Variants in EBF1 observed in about 807,000 individuals in gnomAD.
EBF1 encodes the protein EBF transcription factor 1.
In EBF1, 10 loss-of-function variants were observed where a neutral mutation model predicts 68.4. That is an observed-to-expected ratio of 0.15 (90% confidence interval 0.09 to 0.25). The LOEUF is 0.25. Ranked by LOEUF, EBF1 falls within the 10% of genes least tolerant of loss-of-function variation. The pLI is 1.00. For missense variants in EBF1, 509 were observed against 794.4 expected (o/e 0.64, Z 4.32); for synonymous variants, 298 against 299.8 (o/e 0.99, Z 0.06).
chr5:159,091,910 C>T (rs963299302), intron 4 of EBF1, among the ~76,000 whole-genome samples: 3 of 152,152 alleles, frequency 2.0e-5, no homozygotes, highest in African/African-American at 4.8e-5. Flanking sequence ...CTCAAGCAGG[C>T]TTTTGTTTAG....
intron 7 of EBF1, among the ~76,000 whole-genome samples, chr5:158,829,921 A>G (rs1000254211): frequency 1.4e-4 from 22 of 152,192 alleles, no homozygotes; most frequent in South Asian, 6.2e-4. Flanking sequence ...CTTGTCTGGG[A>G]CCCTATCAAC....
chr5:158,792,317 G>A (rs1349041715), intron 9 of EBF1, among the ~76,000 whole-genome samples: 1 of 152,160 alleles, frequency 6.6e-6, no homozygotes, highest in Non-Finnish European at 1.5e-5. Flanking sequence ...TGTGAACTTG[G>A]GAGCTCGCAG....
At chr5:158,814,028 C>A (rs564291358) in intron 8 of EBF1, among the ~76,000 whole-genome samples, 1 of 152,056 alleles carries the variant, frequency 6.6e-6, no homozygotes, top group African/African-American at 2.4e-5. Flanking sequence ...GCTTTTGTAA[C>A]CAAATATAAG....
intron 5 of EBF1, among the ~76,000 whole-genome samples, chr5:159,074,477 C>T (rs2127948432): frequency 6.6e-6 from 1 of 152,344 alleles, no homozygotes; most frequent in Non-Finnish European, 1.5e-5. Context: ...ATATGCACTT[C>T]TTGCTCTTAC....
chr5:159,097,299 A>G (rs1264610922), intron 1 of EBF1, among the ~76,000 whole-genome samples, 169 bp from the exon 2 acceptor site: 3 of 152,198 alleles, frequency 2.0e-5, no homozygotes, highest in African/African-American at 7.2e-5. Flanking sequence ...TGACAACGGG[A>G]CACACATGTC....
At chr5:158,884,071 C>T (rs1554181829) in intron 6 of EBF1, among the ~76,000 whole-genome samples, 1 of 152,154 alleles carries the variant, frequency 6.6e-6, no homozygotes, top group Non-Finnish European at 1.5e-5. Flanking sequence ...ACCCTGCACC[C>T]TGTAAAGTTT....
intron 6 of EBF1, among the ~76,000 whole-genome samples, chr5:158,900,533 G>T (rs536510809): frequency 6.6e-6 from 1 of 152,166 alleles, no homozygotes; most frequent in South Asian, 2.1e-4. Context: ...GTACAACTCT[G>T]TTTTTTTCAA....
chr5:158,720,713 G>T (rs977714956), intron 11 of EBF1, among the ~76,000 whole-genome samples: 1 of 152,102 alleles, frequency 6.6e-6, no homozygotes, highest in Non-Finnish European at 1.5e-5. Flanking sequence ...ATTTAGCATG[G>T]ATATAATTAA....
At chr5:158,779,299 GT>G (rs1402675922) in intron 9 of EBF1, among the ~76,000 whole-genome samples, 1 of 151,726 alleles carries the variant, frequency 6.6e-6, no homozygotes, top group Non-Finnish European at 1.5e-5. Flanking sequence ...CTTTACCCTT[GT>G]CATAGCAAGT....
At chr5:158,948,631 G>A (rs1815338938) in intron 6 of EBF1, among the ~76,000 whole-genome samples, 1 of 152,144 alleles carries the variant, frequency 6.6e-6, no homozygotes, top group South Asian at 2.1e-4. Context: ...CTGACACAAA[G>A]GAAGCACAAT....
intron 6 of EBF1, among the ~76,000 whole-genome samples, chr5:158,895,266 T>TAA (rs376076879): frequency 1.3e-5 from 2 of 152,004 alleles, no homozygotes; most frequent in East Asian, 3.9e-4. Context: ...AAAAACGCAG[T>TAA]AAAAAAATAA....
At chr5:158,884,529 G>T (rs1368131243) in intron 6 of EBF1, among the ~76,000 whole-genome samples, 2 of 152,136 alleles carry the variant, frequency 1.3e-5, no homozygotes, top group Non-Finnish European at 2.9e-5. Flanking sequence ...AGGTAGGCAA[G>T]GTAGCCCTCA....
intron 6 of EBF1, among the ~76,000 whole-genome samples, chr5:159,069,386 G>A (rs1777421261): frequency 6.6e-6 from 1 of 151,942 alleles, no homozygotes. Context: ...CTGCAAATAA[G>A]CAACAGAAAT....
At chr5:159,076,033 G>GT (rs74345602) in intron 5 of EBF1, among the ~76,000 whole-genome samples, 32,208 of 145,652 alleles carry the variant, frequency 0.22, 3,778 homozygotes, top group East Asian at 0.35. Flanking sequence ...GGTTTTTCCT[G>GT]TTTTTTTTTT....
chr5:158,998,095 C>G (rs1761805437), intron 6 of EBF1, among the ~76,000 whole-genome samples: 1 of 152,094 alleles, frequency 6.6e-6, no homozygotes, highest in South Asian at 2.1e-4. Flanking sequence ...ACAGCCATTC[C>G]TTTTTTCCAT....
At chr5:158,971,190 A>G (rs1275126139) in intron 6 of EBF1, among the ~76,000 whole-genome samples, 2 of 152,252 alleles carry the variant, frequency 1.3e-5, no homozygotes, top group Admixed American at 6.5e-5. Context: ...AACAATGCTT[A>G]ACCTGATTCT....
chr5:158,856,159 A>C (rs1439408921), intron 6 of EBF1, among the ~76,000 whole-genome samples: 1 of 152,174 alleles, frequency 6.6e-6, no homozygotes, highest in Non-Finnish European at 1.5e-5. Context: ...GATGGCTACC[A>C]GATGTCAGAG....
intron 6 of EBF1, among the ~76,000 whole-genome samples, chr5:158,965,835 G>A (rs1016313811): frequency 3.3e-5 from 5 of 152,170 alleles, no homozygotes; most frequent in African/African-American, 1.2e-4. Context: ...CCTTTAAGAA[G>A]ATCCATGTTC....
intron 10 of EBF1, among the ~76,000 whole-genome samples, chr5:158,755,114 T>C (rs1769769841): frequency 6.6e-6 from 1 of 152,080 alleles, no homozygotes; most frequent in Non-Finnish European, 1.5e-5. Context: ...AAAAGGGGGA[T>C]AGATGATGAT....
Sources: gnomAD v4.1 joint callset for allele counts (sites outside exome capture counted in the v4.1 genomes callset) on GRCh38, gnomAD v4.1.1 for gene constraint, MANE v1.5 for transcripts, NCBI Gene and HGNC (gene_info 2026-07-23, HGNC 2026-07-21) for gene names.